Variants in FARP1 observed in about 807,000 individuals in gnomAD.
FARP1 encodes the protein FERM, ARHGEF and pleckstrin domain-containing protein 1.
In FARP1, 52 loss-of-function variants were observed where a neutral mutation model predicts 128.8. That is an observed-to-expected ratio of 0.40 (90% CI 0.32 to 0.51). The LOEUF (loss-of-function observed/expected upper bound fraction) is 0.51. Ranked by LOEUF, FARP1 falls within the 20% of genes least tolerant of loss-of-function variation. The pLI, the probability that FARP1 is intolerant of heterozygous loss-of-function variation, is 0.45. For missense variants in FARP1, 1,333 were observed against 1,367.9 expected (o/e 0.97, Z 0.40); for synonymous variants, 580 against 551.8 (o/e 1.05, Z -0.72).
At chr13:98,164,227 G>A (rs188112513) in intron 1 of FARP1, among the ~76,000 whole-genome samples, 18 of 152,316 alleles carry the variant, frequency 1.2e-4, no homozygotes, top group African/African-American at 4.1e-4. Context: ...GCCTCCATTT[G>A]TTAATTTGCG....
chr13:98,188,703 G>A (rs540740105), intron 1 of FARP1, among the ~76,000 whole-genome samples: 2 of 152,298 alleles, frequency 1.3e-5, no homozygotes, highest in South Asian at 4.2e-4. Context: ...GCTTCACTAT[G>A]GCTCTAAGGG....
At chr13:98,331,202 A>G (rs920448831) in intron 2 of FARP1, among the ~76,000 whole-genome samples, 1 of 152,222 alleles carries the variant, frequency 6.6e-6, no homozygotes, top group Non-Finnish European at 1.5e-5. Context: ...TAGTCCTTCT[A>G]GACTGTCAGC....
intron 17 of FARP1, among the ~76,000 whole-genome samples, chr13:98,430,090 TA>T (rs1453426456): frequency 3.7e-4 from 56 of 151,912 alleles, no homozygotes; most frequent in African/African-American, 1.4e-3. Flanking sequence ...AATAAATAAA[TA>T]ATTTTTTTTT....
intron 1 of FARP1, among the ~76,000 whole-genome samples, chr13:98,185,730 C>T (rs1321251858): frequency 6.6e-6 from 1 of 151,364 alleles, no homozygotes; most frequent in Non-Finnish European, 1.5e-5. Flanking sequence ...TGGAGTCTCT[C>T]TCTGTCGCCC....
chr13:98,232,389 T>C (rs747023362), intron 2 of FARP1, among the ~76,000 whole-genome samples: 16 of 152,360 alleles, frequency 1.1e-4, no homozygotes, highest in Admixed American at 2.6e-4. Flanking sequence ...TGTGCCTAGT[T>C]AATAATGTAT....
chr13:98,369,570 G>A (rs1384497902), intron 5 of FARP1, among the ~76,000 whole-genome samples: 2 of 151,286 alleles, frequency 1.3e-5, no homozygotes, highest in African/African-American at 4.9e-5. Context: ...CTGTGTCCAT[G>A]TGTTCTCATT....
intron 1 of FARP1, among the ~76,000 whole-genome samples, chr13:98,210,771 C>T (rs566358640): frequency 6.6e-5 from 10 of 152,224 alleles, no homozygotes; most frequent in Admixed American, 5.2e-4. Context: ...GGATAGTCTC[C>T]ATCTCCTGAC....
chr13:98,381,629 G>A (rs1232114945), intron 6 of FARP1: 1 of 152,220 alleles, frequency 6.6e-6, no homozygotes, highest in East Asian at 1.9e-4. Context: ...GCAGCATGGA[G>A]GCGAGGCAGG....
intron 1 of FARP1, among the ~76,000 whole-genome samples, chr13:98,170,352 TTTTG>T (rs1261431860): frequency 1.3e-5 from 2 of 149,948 alleles, no homozygotes; most frequent in South Asian, 2.1e-4. Context: ...CCTGGCTAAT[TTTTG>T]TTTGTTTGTT....
chr13:98,411,803 C>T, intron 15 of FARP1, 98 bp from the exon 16 acceptor site: 2 of 1,318,650 alleles, frequency 1.5e-6, no homozygotes, highest in Non-Finnish European at 2.1e-6. Context: ...AGCCCTGGCT[C>T]CTCCCAGTGC....
intron 2 of FARP1, among the ~76,000 whole-genome samples, chr13:98,302,743 T>C (rs571054733): frequency 6.6e-6 from 1 of 152,326 alleles, no homozygotes; most frequent in South Asian, 2.1e-4. Context: ...TTGAGGTCGA[T>C]GAGGTAGCAT....
intron 26 of FARP1, chr13:98,447,507 G>C (rs957686452): frequency 1.3e-5 from 2 of 152,376 alleles, no homozygotes; most frequent in Admixed American, 6.5e-5. Context: ...CCTGGGACAA[G>C]GCCAGGTAAT....
chr13:98,395,377 C>G lies in FARP1; in HGVS notation c.1315C>G (p.Gln439Glu). ...APRRSPAGNK[Q>E]ADGAASAPTE... ...GAGGAGAAGCCCCGCGGGTAACAAG[C>G]AGGCGGACGGAGCCGCCTCGGCGCC... Residue 439 changes from glutamine (Q) to glutamate (E), a missense_variant, in exon 13 of 27, where the codon CAG becomes GAG. Around this residue, in one of 2 missense-constraint regions of FARP1, gnomAD observed 1,009 missense variants for 969.8 expected, o/e 1.04. Transcript: ENST00000319562. 2.5e-6 allele frequency: 4 copies of G among 1,611,830 alleles called. No individual in the cohort carries two copies. The African/African-American group carries it at 5.3e-5, about 21-fold the overall frequency.
intron 16 of FARP1, 146 bp downstream of exon 16, chr13:98,412,180 A>G: frequency 1.3e-6 from 1 of 771,636 alleles, no homozygotes; most frequent in South Asian, 1.7e-5. Context: ...AATGATTTTC[A>G]GTTAAATCCT....
intron 26 of FARP1, chr13:98,447,121 A>C (rs551409239): frequency 1.4e-4 from 44 of 315,592 alleles, no homozygotes; most frequent in African/African-American, 7.6e-4. Context: ...GACTGCCTAC[A>C]TGGTGTAATG....
In FARP1 at chr13:98,213,336, C is replaced by T. The variant is rs540612612; in HGVS notation, c.94C>T (p.Pro32Ser). The change falls in exon 2 of 27, where the codon CCC (proline) becomes TCC (serine). Residue 32 changes from proline to serine, a missense_variant. By Grantham distance (74) the Pro-to-Ser change is moderately conservative. This residue lies in a region of FARP1 where 324 missense variants were observed against 398.1 expected (regional missense o/e 0.81). Coordinates refer to ENST00000319562, the MANE Select transcript of FARP1 (RefSeq NM_005766.4). ...ISTLERGQKPPPTPSGKLVSI... is the reference protein window; with the variant it reads ...ISTLERGQKPSPTPSGKLVSI... ...TACCTTGGAACGTGGACAGAAGCCG[C>T]CCCCAACACCTTCAGGAAAACTCGT... 3.7e-6 allele frequency: 6 copies of T among 1,614,098 alleles called. No homozygotes were observed. In the East Asian group the frequency reaches 1.3e-4, roughly 36 times the overall value.
At chr13:98,368,078 A>G in intron 4 of FARP1, 39 bp from the exon 5 acceptor site, 1 of 1,511,950 alleles carries the variant, frequency 6.6e-7, no homozygotes, top group Non-Finnish European at 9.2e-7. Flanking sequence ...TGAAACACAA[A>G]TCAGTAAATG....
At chr13:98,256,646 A>C (rs1044278848) in intron 2 of FARP1, among the ~76,000 whole-genome samples, 2 of 149,304 alleles carry the variant, frequency 1.3e-5, no homozygotes, top group African/African-American at 4.9e-5. Context: ...TGCAACCTCC[A>C]CCTCCCAGGT....
At chr13:98,375,473 C>T (rs1889541528) in intron 5 of FARP1, among the ~76,000 whole-genome samples, 1 of 152,106 alleles carries the variant, frequency 6.6e-6, no homozygotes, top group African/African-American at 2.4e-5. Context: ...CCTGAAACAC[C>T]CTTTCCTCTG....
Sources: allele counts gnomAD v4.1 joint callset (sites outside exome capture counted in the v4.1 genomes callset), GRCh38; gene constraint gnomAD v4.1.1; regional missense constraint gnomAD v4.1.1; transcripts MANE v1.5; gene names NCBI Gene and HGNC (gene_info 2026-07-23, HGNC 2026-07-21).